Variants in EML6 observed in about 807,000 individuals in gnomAD.
EML6 encodes the protein echinoderm microtubule-associated protein-like 6.
A neutral mutation model predicts 240.1 loss-of-function variants in EML6; 154 were observed. The observed-to-expected ratio is 0.64, with a 90% CI of 0.56 to 0.73. EML6 has a LOEUF of 0.73. Among genes scored for constraint, EML6 ranks in the 30% least tolerant of loss-of-function variants. The probability of loss-of-function intolerance (pLI) is 0.00; values close to 1 mark genes in which losing one functional copy is unlikely to be tolerated. For missense variants in EML6, 2,964 were observed against 2,474.6 expected, an observed-to-expected ratio of 1.20 and a Z score of -4.20; for synonymous variants, 1,148 against 899.0, an observed-to-expected ratio of 1.28 and a Z score of -4.95.
rs1014101620 is a variant in EML6 at position 54,840,554 on chromosome 2, G to A, written c.848-3493G>A. 3.9e-5 allele frequency among the ~76,000 whole-genome samples: 6 copies of A among 152,182 alleles called. No individual in the cohort carries two copies. The East Asian group carries it at 9.6e-4, about 24-fold the overall frequency. The stretch of plus-strand genomic sequence containing the variant: ...CTGTTAAGCTCCACTGTCAGGCACA[G>A]AGTAGTGCTGAATAAAAATTTCTGA... On this transcript the variant is annotated intron_variant, in intron 7 of 41. Transcript: ENST00000356458.
intron 2 of EML6, among the ~76,000 whole-genome samples, chr2:54,797,796 T>G (rs1205700345): frequency 6.6e-6 from 1 of 152,204 alleles, no homozygotes; most frequent in Non-Finnish European, 1.5e-5. Context: ...TTATCAGCCA[T>G]GTAATCTTGG....
intron 6 of EML6, 44 bp from the exon 7 acceptor site, chr2:54,829,297 CT>C (rs1267184743): frequency 6.5e-7 from 1 of 1,531,206 alleles, no homozygotes; most frequent in Admixed American, 2.0e-5. Context: ...ATTCATTATA[CT>C]TAGGATGGTT....
At chr2:54,857,525 T>A (rs147230060) in intron 11 of EML6, among the ~76,000 whole-genome samples, 1 of 152,332 alleles carries the variant, frequency 6.6e-6, no homozygotes, top group East Asian at 1.9e-4. Flanking sequence ...GAGCTTTTGT[T>A]CTACTGAAGG....
rs147785699 is a variant in EML6, at chr2:54,917,358, G to GT, written c.3675+440dup. Among the ~76,000 whole-genome samples the GT allele has an allele frequency of 9.1e-3, 1,123 of 123,774 alleles. 10 individuals are homozygous for GT. Among genetic ancestry groups the GT allele is most frequent in the South Asian group, 0.041 (157 of 3,870 alleles). The allele number at this position is 123,774 out of a possible 152,430, so 81.2% of individuals were successfully genotyped here. ...ATTCTCTTCTTCCCTTTTTTTTTTT[G>GT]TTTTTTTTTTTTTTTTTGTTTTTTG... On this transcript the variant is annotated intron_variant, in intron 26 of 41. Coordinates refer to ENST00000356458, the MANE Select transcript of EML6 (RefSeq NM_001039753.4).
At chr2:54,800,249 T>C (rs911729916) in intron 2 of EML6, among the ~76,000 whole-genome samples, 2 of 152,082 alleles carry the variant, frequency 1.3e-5, no homozygotes, top group Admixed American at 6.6e-5. Flanking sequence ...TGATTTCTTA[T>C]TTTGTTTGCT....
chr2:54,960,816 T>G (rs1371671056), intron 35 of EML6, among the ~76,000 whole-genome samples: 1 of 152,038 alleles, frequency 6.6e-6, no homozygotes, highest in African/African-American at 2.4e-5. Flanking sequence ...CAAAAACAAC[T>G]GTCGGGTTTT....
intron 37 of EML6, 117 bp downstream of exon 37, chr2:54,964,275 C>A: frequency 9.9e-7 from 1 of 1,011,416 alleles, no homozygotes; most frequent in Non-Finnish European, 1.4e-6. Flanking sequence ...TCACTTTCAA[C>A]AAGCCACCTA....
At chr2:54,761,617 CTG>C (rs1290077572) in intron 2 of EML6, among the ~76,000 whole-genome samples, 2 of 152,220 alleles carry the variant, frequency 1.3e-5, no homozygotes, top group Non-Finnish European at 2.9e-5. Context: ...ATCATAAACT[CTG>C]TGGATATAGC....
At chr2:54,902,518 C>T (rs931364189) in intron 22 of EML6, among the ~76,000 whole-genome samples, 1 of 152,170 alleles carries the variant, frequency 6.6e-6, no homozygotes, top group African/African-American at 2.4e-5. Context: ...TTCCACCTTG[C>T]CTCCTGAGTA....
intron 2 of EML6, among the ~76,000 whole-genome samples, chr2:54,812,432 A>G (rs1192806312): frequency 2.0e-5 from 3 of 152,156 alleles, no homozygotes; most frequent in Non-Finnish European, 4.4e-5. Context: ...ACAATGAGCT[A>G]GTTTGCTATA....
chr2:54,801,122 C>T (rs1050301599), intron 2 of EML6, among the ~76,000 whole-genome samples: 2 of 151,824 alleles, frequency 1.3e-5, no homozygotes, highest in African/African-American at 4.8e-5. Flanking sequence ...AGATTGAGAC[C>T]ATCCTGGCTA....
chr2:54,957,767 A>G (rs1558725653), intron 32 of EML6, 23 bp from the exon 33 acceptor site: 5 of 1,548,442 alleles, frequency 3.2e-6, no homozygotes, highest in African/African-American at 1.4e-5. Context: ...GAGGAGCCTC[A>G]CTGGACTCTG....
chr2:54,885,395 C>G (rs1355172446), intron 17 of EML6, among the ~76,000 whole-genome samples: 1 of 151,606 alleles, frequency 6.6e-6, no homozygotes, highest in Non-Finnish European at 1.5e-5. Context: ...TGTAGTGAGC[C>G]GAGATCATGC....
At chr2:54,886,946 C>G (rs1297680772) in intron 17 of EML6, among the ~76,000 whole-genome samples, 1 of 152,086 alleles carries the variant, frequency 6.6e-6, no homozygotes, top group Non-Finnish European at 1.5e-5. Context: ...ATGGTCCTTC[C>G]CAGATGCAAG....
At chr2:54,915,816 T>C (rs960354419) in intron 25 of EML6, among the ~76,000 whole-genome samples, 1 of 152,172 alleles carries the variant, frequency 6.6e-6, no homozygotes, top group Non-Finnish European at 1.5e-5. Context: ...TAATTTTAGC[T>C]ACAGTTCTCT....
chr2:54,878,388 C>T (rs900091552), intron 16 of EML6, among the ~76,000 whole-genome samples: 2 of 152,172 alleles, frequency 1.3e-5, no homozygotes, highest in East Asian at 3.8e-4. Context: ...AGCTTGATCA[C>T]TCGTCTCCTA....
Position 54,899,685 on chromosome 2 carries a change from C to A in EML6, c.3027C>A (p.Leu1009=), listed in dbSNP as rs1672954754. 2 of 1,553,824 alleles carry A rather than the reference C, an allele frequency of 1.3e-6. No individual in the cohort carries two copies. The highest frequency in any genetic ancestry group is 2.0e-5 in the Admixed American group (1 of 51,190). The change falls in exon 22 of 42, where the codon CTC becomes CTA. Residue 1009 remains leucine, a synonymous_variant. Transcript: ENST00000356458. ...TGTGGGGGTTGGCAGCTCACCCTCT[C>A]CTGCCCATCTGTGCAACAGTGAGCG... is the stretch of plus-strand genomic sequence containing the variant. ...GEVWGLAAHP[L]LPICATVSDD... is the part of the protein sequence containing the mutation.
At chr2:54,851,075 T>A (rs1056126822) in intron 10 of EML6, among the ~76,000 whole-genome samples, 2 of 152,194 alleles carry the variant, frequency 1.3e-5, no homozygotes, top group African/African-American at 4.8e-5. Context: ...TCATTCAGGA[T>A]GTTGGTTACC....
chr2:54,934,707 C>T (rs969255658), intron 28 of EML6, among the ~76,000 whole-genome samples: 1 of 152,180 alleles, frequency 6.6e-6, no homozygotes, highest in East Asian at 1.9e-4. Context: ...AGGTGTGCAC[C>T]ACCATACCCA....
Sources: allele counts gnomAD v4.1 joint callset (sites outside exome capture counted in the v4.1 genomes callset), GRCh38; gene constraint gnomAD v4.1.1; transcripts MANE v1.5; gene names NCBI Gene and HGNC (gene_info 2026-07-23, HGNC 2026-07-21).